PPP2R1B: variants seen among roughly 807,000 people sequenced by gnomAD.
PPP2R1B encodes serine/threonine-protein phosphatase 2A 65 kDa regulatory subunit A beta isoform.
In PPP2R1B, 58 loss-of-function variants were observed where a neutral mutation model predicts 72.7. The observed-to-expected ratio is 0.80, with a 90% confidence interval of 0.65 to 0.99. The LOEUF is 0.99. PPP2R1B is among the 50% of genes least tolerant of loss of function. PPP2R1B has a pLI of 0.00. For synonymous variants in PPP2R1B, 256 were observed against 264.6 expected (o/e 0.97, Z 0.32); for missense variants, 695 against 733.6 (o/e 0.95, Z 0.61).
At chr11:111,708,517 A>C in the PPP2R1B span, among the ~76,000 whole-genome samples, 1 of 152,184 alleles carries the variant, frequency 6.6e-6, no homozygotes, top group East Asian at 1.9e-4. Flanking sequence ...AATTGAGTTG[A>C]GACTATTTAG....
At chr11:111,701,622 T>G in the PPP2R1B span, 1 of 1,589,296 alleles carries the variant, frequency 6.3e-7, no homozygotes, top group South Asian at 1.1e-5. The surrounding 1 kb of genome is among the most constrained non-coding windows in gnomAD (Gnocchi z 4.2). Context: ...GTGTTAGTGC[T>G]CCAAGTGAAA....
At chr11:111,719,240 A>C in the PPP2R1B span, among the ~76,000 whole-genome samples, 1 of 152,144 alleles carries the variant, frequency 6.6e-6, no homozygotes, top group Non-Finnish European at 1.5e-5. Context: ...AGGCATATAG[A>C]ACCAATTAAA....
At chr11:111,742,310 TCAGC>T in intron 13 of PPP2R1B, 166 bp from the exon 14 acceptor site, 4 of 759,000 alleles carry the variant, frequency 5.3e-6, no homozygotes, top group Admixed American at 3.1e-5. Flanking sequence ...CTCAGCAAAA[TCAGC>T]TTCAGACAAG....
chr11:111,764,936 A>G (rs1486481005), intron 2 of PPP2R1B, 31 bp from the exon 3 acceptor site: 4 of 1,609,934 alleles, frequency 2.5e-6, no homozygotes, highest in Non-Finnish European at 3.4e-6. Flanking sequence ...ACTCATCAAC[A>G]TGGATAGCTC....
At position 111,740,114 on chromosome 11, in the gene PPP2R1B, GGT is replaced by G. The variant is rs761952824; in HGVS notation, c.*1480_*1481del. ...AAATCAACAATTCAAAAACCAAAAG[GGT>G]AACAAGCAAACCTCATAGCAAGATG... On this transcript the variant is annotated 3_prime_UTR_variant, in exon 15 of 15. Coordinates refer to ENST00000527614, the MANE Select transcript of PPP2R1B (RefSeq NM_002716.5). 1.2e-5 allele frequency: 12 copies of G among 985,316 alleles called. No homozygotes were observed. The highest frequency in any genetic ancestry group is 1.4e-5 in the Non-Finnish European group (12 of 829,884). The allele number at this position is 985,316 out of a possible 1,614,324, so 61.0% of individuals were successfully genotyped here.
rs1377374889 is a variant in PPP2R1B, at chr11:111,740,374, C to T, written c.*1222G>A. 5 of 882,736 alleles carry T rather than the reference C, an allele frequency of 5.7e-6. No individual in the cohort carries two copies. The highest frequency in any genetic ancestry group is 1.8e-5 in the African/African-American group (1 of 54,926). 54.7% of individuals were successfully genotyped at this position (882,736 alleles called of 1,614,324 possible). Reference sequence around the variant, plus strand: ...CTGGGACTACAGGTGTGTGCCACCACGCCCAGCTAACTTTTTTGTATTTTT... The same window carrying T: ...CTGGGACTACAGGTGTGTGCCACCATGCCCAGCTAACTTTTTTGTATTTTT... On this transcript the variant is annotated 3_prime_UTR_variant, in exon 15 of 15. Transcript: ENST00000527614.
chr11:111,733,725 C>T (rs1364890999), downstream of PPP2R1B, among the ~76,000 whole-genome samples: 1 of 152,200 alleles, frequency 6.6e-6, no homozygotes, highest in Non-Finnish European at 1.5e-5. Flanking sequence ...TCTCTTCTGT[C>T]TGGGATCCGC....
At chr11:111,724,120 G>T, downstream of PPP2R1B, 1 of 1,608,994 alleles carries the variant, frequency 6.2e-7, no homozygotes. Context: ...GGTATGTCCT[G>T]GTGAATTAGT....
intron 2 of PPP2R1B, 146 bp downstream of exon 2, chr11:111,765,148 A>T: frequency 2.0e-6 from 2 of 981,102 alleles, no homozygotes; most frequent in Non-Finnish European, 3.0e-6. Flanking sequence ...ATCTAGCCAC[A>T]ACTAACAATA....
chr11:111,692,381 A>C, the PPP2R1B span, among the ~76,000 whole-genome samples: 42 of 144,320 alleles, frequency 2.9e-4, no homozygotes, highest in Non-Finnish European at 5.7e-4. Flanking sequence ...AAAAAAAAAA[A>C]AAAAAAACAC....
At chr11:111,720,974 T>C in the PPP2R1B span, 1 of 1,614,176 alleles carries the variant, frequency 6.2e-7, no homozygotes, top group Non-Finnish European at 8.5e-7. Context: ...AAAGTGCAGT[T>C]GTTGTATGAA....
chr11:111,747,869 G>A, intron 11 of PPP2R1B, 85 bp downstream of exon 11: 1 of 1,292,988 alleles, frequency 7.7e-7, no homozygotes, highest in South Asian at 1.4e-5. Flanking sequence ...CAAAATATCT[G>A]GTCAGACTGA....
chr11:111,757,918 A>G (rs940337797), intron 5 of PPP2R1B, among the ~76,000 whole-genome samples: 13 of 152,050 alleles, frequency 8.5e-5, no homozygotes, highest in East Asian at 1.9e-4. Flanking sequence ...AATTTTCTCT[A>G]TCTTAACGAT....
chr11:111,706,436 G>A, the PPP2R1B span, among the ~76,000 whole-genome samples: 1 of 152,044 alleles, frequency 6.6e-6, no homozygotes, highest in Non-Finnish European at 1.5e-5. Context: ...TGAATGGTTG[G>A]TTAGTATGCT....
At chr11:111,709,520 A>C in the PPP2R1B span, among the ~76,000 whole-genome samples, 3 of 152,376 alleles carry the variant, frequency 2.0e-5, no homozygotes, top group East Asian at 5.8e-4. Context: ...AAAGCACTAA[A>C]CATGTGGTCT....
At chr11:111,736,151 G>A (rs963521767), downstream of PPP2R1B, among the ~76,000 whole-genome samples, 1 of 152,178 alleles carries the variant, frequency 6.6e-6, no homozygotes, top group Non-Finnish European at 1.5e-5. Context: ...ACCACCTAGG[G>A]TGGGTGAGGA....
At chr11:111,721,881 C>T in the PPP2R1B span, 1 of 1,612,812 alleles carries the variant, frequency 6.2e-7, no homozygotes, top group South Asian at 1.1e-5. Flanking sequence ...TGCCAGCGTG[C>T]ATCCCCAGCT....
At chr11:111,730,152 T>C (rs749913346) in intron 15 of PPP2R1B, 11 of 152,250 alleles carry the variant, frequency 7.2e-5, no homozygotes, top group Non-Finnish European at 1.5e-4. Flanking sequence ...TACTCTGTCT[T>C]TTCAGAGGCA....
chr11:111,766,109 C>T, intron 1 of PPP2R1B, 139 bp downstream of exon 1: 2 of 788,422 alleles, frequency 2.5e-6, no homozygotes, highest in South Asian at 3.3e-5. Context: ...GCGGAGCATT[C>T]CCCGCCTCCC....
Sources: gnomAD v4.1 joint callset for allele counts (sites outside exome capture counted in the v4.1 genomes callset) on GRCh38, gnomAD v4.1.1 for gene constraint, Gnocchi (gnomAD v3.1) non-coding constraint, MANE v1.5 for transcripts, NCBI Gene and HGNC (gene_info 2026-07-23, HGNC 2026-07-21) for gene names.